CHL1: variants seen among roughly 807,000 people sequenced by gnomAD.
The protein encoded by CHL1 is neural cell adhesion molecule L1-like protein.
Under a neutral mutation model 141.9 loss-of-function variants are expected in CHL1, and 96 were observed. The observed-to-expected ratio is 0.68, with a 90% CI of 0.57 to 0.80. The LOEUF (loss-of-function observed/expected upper bound fraction) is 0.80, where lower values mean the gene tolerates loss of function less well. Among genes scored for constraint, CHL1 ranks in the 30% least tolerant of loss-of-function variants. The pLI is 0.00. For missense variants in CHL1, 1,820 were observed against 1,457.2 expected (o/e 1.25, Z -4.05); for synonymous variants, 613 against 502.2 (o/e 1.22, Z -2.95).
intron 12 of CHL1, 37 bp downstream of exon 12, chr3:360,461 T>A: frequency 1.2e-6 from 2 of 1,606,960 alleles, no homozygotes; most frequent in Non-Finnish European, 1.7e-6. Context: ...CATGCTATTT[T>A]CCTAAGGAAA....
intron 2 of CHL1, among the ~76,000 whole-genome samples, chr3:291,973 C>A (rs756874477): frequency 6.6e-6 from 1 of 152,190 alleles, no homozygotes; most frequent in Admixed American, 6.5e-5. Context: ...TATGCTCACC[C>A]TGAAATTCAA....
chr3:344,595 C>T lies in CHL1; in HGVS notation c.734C>T (p.Ser245Phe). The T allele has an allele frequency of 6.2e-7, 1 of 1,606,888 alleles. No homozygotes were observed. The highest frequency in any genetic ancestry group is 8.5e-7 in the Non-Finnish European group (1 of 1,176,932). ...SSTEIGSKAN[S>F]IKQRKPKLLL... ...TTTCTTTTCTATTTTGTAGCAAATT[C>T]CATCAAGCAAAGAAAACCCAAACTG... Residue 245 changes from serine to phenylalanine, a missense_variant, in exon 9 of 28, where the codon TCC becomes TTC. Transcript: ENST00000256509.
chr3:376,479 A>G (rs1207744430), intron 15 of CHL1: 1 of 494,886 alleles, frequency 2.0e-6, no homozygotes, highest in South Asian at 1.5e-5. Flanking sequence ...CCCAACGTTG[A>G]TTAATTGGAG....
chr3:277,211 T>G (rs1696222070), intron 2 of CHL1, among the ~76,000 whole-genome samples: 1 of 152,168 alleles, frequency 6.6e-6, no homozygotes, highest in Admixed American at 6.5e-5. Flanking sequence ...TTTAAAAAAT[T>G]ATGCATCTGC....
rs574263834 is a variant in CHL1 at position 409,050 on chromosome 3, C to G, written c.*3339C>G. On this transcript the variant is annotated 3_prime_UTR_variant, in exon 28 of 28. Coordinates refer to ENST00000256509, the MANE Select transcript of CHL1 (RefSeq NM_006614.4). ...TTGAAACCCTAAATATGTTTACATA[C>G]CATTAAGATATGATTCATGTAACAA... 1 of 151,974 alleles carries G rather than the reference C, an allele frequency of 6.6e-6. No homozygotes were observed. The highest frequency in any genetic ancestry group is 1.5e-5 in the Non-Finnish European group (1 of 67,976). The allele number at this position is 151,974 out of a possible 1,614,324, so 9.4% of individuals were successfully genotyped here.
At chr3:302,402 C>A (rs1369510802) in intron 2 of CHL1, among the ~76,000 whole-genome samples, 2 of 152,196 alleles carry the variant, frequency 1.3e-5, no homozygotes, top group African/African-American at 2.4e-5. Context: ...AACTCTCCAG[C>A]ATCTGTTGTT....
At chr3:337,858 C>T (rs150753427) in intron 5 of CHL1, among the ~76,000 whole-genome samples, 7,368 of 152,192 alleles carry the variant, frequency 0.048, 268 homozygotes, top group Non-Finnish European at 0.073. Flanking sequence ...TTCATAGCAG[C>T]ATGATTTATA....
intron 1 of CHL1, among the ~76,000 whole-genome samples, chr3:211,119 T>A (rs1275305803): frequency 1.3e-5 from 2 of 152,176 alleles, no homozygotes; most frequent in East Asian, 3.9e-4. Context: ...GAACCCCAAA[T>A]GTCAGGAAAC....
Position 407,816 on chromosome 3 carries a change from G to A in CHL1, c.*2105G>A, listed in dbSNP as rs1231606229. The A allele has an allele frequency of 6.6e-6, 1 of 152,092 alleles. No individual in the cohort carries two copies. The highest frequency in any genetic ancestry group is 1.9e-4 in the East Asian group (1 of 5,190). The allele number at this position is 152,092 out of a possible 1,614,324, so 9.4% of individuals were successfully genotyped here. A position where few individuals can be genotyped will look rare whatever the true frequency, so the allele number is the denominator to read the frequency against. On this transcript the variant is annotated 3_prime_UTR_variant, in exon 28 of 28. Coordinates refer to ENST00000256509, the MANE Select transcript of CHL1 (RefSeq NM_006614.4). Reference sequence around the variant, plus strand: ...TAAGTCAGAAACTAAAACAAATACTGAAATATTAGCTCTTCCTACACTTCG... The same window carrying A: ...TAAGTCAGAAACTAAAACAAATACTAAAATATTAGCTCTTCCTACACTTCG...
At chr3:242,387 G>T (rs1274762368) in intron 1 of CHL1, among the ~76,000 whole-genome samples, 4 of 142,368 alleles carry the variant, frequency 2.8e-5, no homozygotes, top group Admixed American at 7.2e-5. Flanking sequence ...ACGAGGTCAG[G>T]AGATCGAGAC....
At chr3:375,451 G>C (rs1706194697) in intron 15 of CHL1, among the ~76,000 whole-genome samples, 1 of 151,886 alleles carries the variant, frequency 6.6e-6, no homozygotes, top group African/African-American at 2.4e-5. Flanking sequence ...AGAAATAGTG[G>C]CAAATTAATG....
At chr3:349,565 A>C in intron 10 of CHL1, 22 bp downstream of exon 10, 1 of 1,592,866 alleles carries the variant, frequency 6.3e-7, no homozygotes, top group Non-Finnish European at 8.5e-7. Context: ...ATGTTGGTCT[A>C]TTTCTCTGCT....
intron 14 of CHL1, among the ~76,000 whole-genome samples, chr3:364,919 T>C (rs965571168): frequency 2.0e-5 from 3 of 152,224 alleles, no homozygotes; most frequent in Non-Finnish European, 4.4e-5. Flanking sequence ...AGAGAAGTGT[T>C]TATTAAATTG....
At chr3:388,838 C>T (rs1215533036) in intron 19 of CHL1, among the ~76,000 whole-genome samples, 1 of 152,204 alleles carries the variant, frequency 6.6e-6, no homozygotes, top group Non-Finnish European at 1.5e-5. Context: ...GGGAGAATCC[C>T]ATTCACAACC....
chr3:286,322 A>T (rs1427163745), intron 2 of CHL1, among the ~76,000 whole-genome samples: 2 of 152,148 alleles, frequency 1.3e-5, no homozygotes, highest in East Asian at 3.9e-4. Flanking sequence ...GTTTATTAAG[A>T]AAGTAGGGCT....
Position 255,737 on chromosome 3 carries a change from C to A in CHL1, c.-95+11045C>A, listed in dbSNP as rs150634968. Among the ~76,000 whole-genome samples, 122 of 152,286 alleles carry A rather than the reference C, an allele frequency of 8.0e-4. 3 individuals are homozygous for A. The South Asian group carries it at 0.021, about 26-fold the overall frequency. ...CCTGACAACCTAGAACAGTAGTTCT[C>A]GCCTTTGACTGCCTATTGCCATTGC... On this transcript the variant is annotated intron_variant, in intron 2 of 27. Coordinates refer to ENST00000256509, the MANE Select transcript of CHL1 (RefSeq NM_006614.4).
At chr3:249,273 A>T (rs1343297360) in intron 2 of CHL1, among the ~76,000 whole-genome samples, 1 of 152,188 alleles carries the variant, frequency 6.6e-6, no homozygotes, top group Non-Finnish European at 1.5e-5. Flanking sequence ...AAAGCCTCTG[A>T]TCAAAGGCTA....
At chr3:225,888 A>T (rs567035276) in intron 1 of CHL1, among the ~76,000 whole-genome samples, 87 of 152,018 alleles carry the variant, frequency 5.7e-4, no homozygotes, top group African/African-American at 2.0e-3. Context: ...AGGCACCTGT[A>T]GTCCCAGCTA....
At chr3:401,878 T>TGA (rs1709169145) in intron 27 of CHL1, among the ~76,000 whole-genome samples, 180 bp downstream of exon 27, 1 of 152,196 alleles carries the variant, frequency 6.6e-6, no homozygotes, top group Non-Finnish European at 1.5e-5. Context: ...TCTGTGTGTG[T>TGA]GATGAGGGTG....
Sources: allele counts gnomAD v4.1 joint callset (sites outside exome capture counted in the v4.1 genomes callset), GRCh38; gene constraint gnomAD v4.1.1; transcripts MANE v1.5; gene names NCBI Gene and HGNC (gene_info 2026-07-23, HGNC 2026-07-21).